The following SAR1B variants were observed in gnomAD, a reference collection of about 807,000 sequenced individuals.
The protein encoded by SAR1B is small COPII coat GTPase SAR1B.
In SAR1B, 23 loss-of-function variants were observed where a neutral mutation model predicts 26.8. That is an observed-to-expected ratio of 0.86 (90% CI 0.62 to 1.22). The LOEUF is 1.22. Among genes scored for constraint, SAR1B ranks in the 50% most tolerant of loss-of-function variants. SAR1B has a pLI of 0.00. For missense variants in SAR1B, 196 were observed against 232.8 expected (o/e 0.84, Z 1.03); for synonymous variants, 65 against 80.8 (o/e 0.80, Z 1.05).
intron 6 of SAR1B, 124 bp downstream of exon 6, chr5:134,608,248 G>T (rs1765160077): frequency 3.0e-6 from 3 of 996,308 alleles, no homozygotes; most frequent in Non-Finnish European, 4.5e-6. Flanking sequence ...AGACCCACAG[G>T]TATAAATGAC....
intron 4 of SAR1B, 50 bp downstream of exon 4, chr5:134,612,641 T>TCAAAA (rs1765234275): frequency 1.3e-6 from 1 of 743,780 alleles, no homozygotes; most frequent in African/African-American, 4.6e-5. Context: ...TGAGCCTGTC[T>TCAAAA]AAAAAAAAAA....
intron 2 of SAR1B, among the ~76,000 whole-genome samples, chr5:134,623,649 A>C (rs1765450216): frequency 6.6e-6 from 1 of 152,210 alleles, no homozygotes; most frequent in African/African-American, 2.4e-5. Flanking sequence ...GCATTAAAGC[A>C]TATAGGTAAA....
rs781218368 is a variant in SAR1B at position 134,630,889 on chromosome 5, CTTTTTTTTTTTTTTTTTTTT to C, written c.-19+1819_-19+1838del. Among the ~76,000 whole-genome samples, 59 of 69,156 alleles carry C rather than the reference CTTTTTTTTTTTTTTTTTTTT, an allele frequency of 8.5e-4. 1 individual carries two copies. The highest frequency in any genetic ancestry group is 3.2e-3 in the African/African-American group (54 of 17,118). 45.4% of individuals were successfully genotyped at this position (69,156 alleles called of 152,430 possible). ...TTTCCTTTTCTATTTCTTTTTTTTT[CTTTTTTTTTTTTTTTTTTTT>C]TTTTTTTTAGCAACAATGTCTTTTT... On this transcript the variant is annotated intron_variant, in intron 1 of 6. Coordinates refer to ENST00000402673, the MANE Select transcript of SAR1B (RefSeq NM_016103.4).
At chr5:134,630,565 T>A (rs1765583285) in intron 1 of SAR1B, among the ~76,000 whole-genome samples, 1 of 150,900 alleles carries the variant, frequency 6.6e-6, no homozygotes. Context: ...GACAGATCAC[T>A]TGAGTTCGGG....
intron 1 of SAR1B, among the ~76,000 whole-genome samples, chr5:134,626,937 T>G (rs1198302576): frequency 6.6e-6 from 1 of 152,228 alleles, no homozygotes; most frequent in African/African-American, 2.4e-5. Flanking sequence ...GTCGATTTTA[T>G]GGTATATCAA....
At chr5:134,609,795 T>C (rs1273610394) in intron 4 of SAR1B, 121 bp from the exon 5 acceptor site, 1 of 755,874 alleles carries the variant, frequency 1.3e-6, no homozygotes, top group Non-Finnish European at 2.3e-6. Context: ...CTTCACAATA[T>C]ATTCAAGTTA....
At chr5:134,617,912 T>A (rs1366121701) in intron 3 of SAR1B, among the ~76,000 whole-genome samples, 2 of 152,150 alleles carry the variant, frequency 1.3e-5, no homozygotes, top group Non-Finnish European at 2.9e-5. Context: ...TACGCTGTTT[T>A]TGCAGACAAT....
At chr5:134,618,900 A>T (rs1034062847) in intron 3 of SAR1B, among the ~76,000 whole-genome samples, 1 of 152,016 alleles carries the variant, frequency 6.6e-6, no homozygotes, top group African/African-American at 2.4e-5. Context: ...CCAGTGGCTG[A>T]GGCAGGAGAA....
chr5:134,631,408 T>C (rs1765603926), intron 1 of SAR1B, among the ~76,000 whole-genome samples: 1 of 152,224 alleles, frequency 6.6e-6, no homozygotes, highest in Non-Finnish European at 1.5e-5. Context: ...TGCTTTGCTA[T>C]ACTGGCACCA....
intron 2 of SAR1B, among the ~76,000 whole-genome samples, chr5:134,621,304 T>C (rs1765403469): frequency 6.6e-6 from 1 of 152,064 alleles, no homozygotes; most frequent in Non-Finnish European, 1.5e-5. Context: ...ACCCCGTCTC[T>C]ACTGAAAATA....
chr5:134,607,602 G>A (rs771665450), intron 6 of SAR1B, among the ~76,000 whole-genome samples: 3 of 152,048 alleles, frequency 2.0e-5, no homozygotes, highest in Middle Eastern at 3.4e-3. Flanking sequence ...GAGAAACCCC[G>A]TCTCTACCAA....
intron 1 of SAR1B, among the ~76,000 whole-genome samples, chr5:134,629,098 T>C (rs113916622): frequency 0.025 from 3,701 of 148,842 alleles, 64 homozygotes; most frequent in African/African-American, 0.057. Flanking sequence ...CTGGGCAACA[T>C]AGTGAGACCC....
chr5:134,630,060 C>G (rs536152360), intron 1 of SAR1B, among the ~76,000 whole-genome samples: 2 of 152,066 alleles, frequency 1.3e-5, no homozygotes, highest in African/African-American at 4.8e-5. Context: ...GTCAGGAGTT[C>G]GAGACCAGCC....
rs1765035994 is a variant in SAR1B, at chr5:134,601,682, C to G, written c.*5268G>C. Reference sequence around the variant, plus strand: ...AAATGAAAACAATCCCAAAGAAAACCTGTATGTCAAAAACAGAACTGTTCC... The same window carrying G: ...AAATGAAAACAATCCCAAAGAAAACGTGTATGTCAAAAACAGAACTGTTCC... On this transcript the variant is annotated 3_prime_UTR_variant, in exon 7 of 7. Transcript: ENST00000402673. 4 of 152,166 alleles carry G rather than the reference C, an allele frequency of 2.6e-5. No homozygotes were observed. In the South Asian group the frequency reaches 8.3e-4, roughly 31 times the overall value. 9.4% of individuals were successfully genotyped at this position (152,166 alleles called of 1,614,324 possible). A position where few individuals can be genotyped will look rare whatever the true frequency, so the allele number is the denominator to read the frequency against.
chr5:134,606,841 A>ATC lies in SAR1B; in HGVS notation c.*107_*108dup, dbSNP rs1239509280. The stretch of plus-strand genomic sequence containing the variant: ...ATTTAATATTAATAATCTAAAAAAC[A>ATC]TCTGTTTTATAACCAGCAAAAGTCT... On this transcript the variant is annotated 3_prime_UTR_variant, in exon 7 of 7. Coordinates refer to ENST00000402673, the MANE Select transcript of SAR1B (RefSeq NM_016103.4). 1 of 781,682 alleles carries ATC rather than the reference A, an allele frequency of 1.3e-6. No homozygotes were observed. The highest frequency in any genetic ancestry group is 1.7e-5 in the Admixed American group (1 of 57,170). 48.4% of individuals were successfully genotyped at this position (781,682 alleles called of 1,614,324 possible). A position where few individuals can be genotyped will look rare whatever the true frequency, so the allele number is the denominator to read the frequency against.
At chr5:134,629,641 G>A (rs1158297153) in intron 1 of SAR1B, among the ~76,000 whole-genome samples, 1 of 151,912 alleles carries the variant, frequency 6.6e-6, no homozygotes, top group Non-Finnish European at 1.5e-5. Context: ...AGGTTGCAGT[G>A]AGCCAAGATC....
At chr5:134,616,082 G>T (rs1449110376) in intron 3 of SAR1B, among the ~76,000 whole-genome samples, 2 of 139,752 alleles carry the variant, frequency 1.4e-5, no homozygotes, top group Non-Finnish European at 3.0e-5. Flanking sequence ...AGTGAGCCGA[G>T]ACTGGCCACT....
chr5:134,624,772 C>G (rs1561789072), intron 1 of SAR1B, among the ~76,000 whole-genome samples: 3 of 152,014 alleles, frequency 2.0e-5, no homozygotes. Flanking sequence ...GGATTACAGG[C>G]AGGCACTGCC....
intron 1 of SAR1B, among the ~76,000 whole-genome samples, chr5:134,627,048 C>G (rs1765504638): frequency 1.3e-5 from 2 of 151,942 alleles, no homozygotes; most frequent in African/African-American, 4.8e-5. Context: ...AGTAATTACA[C>G]AAAACCATTT....
Sources: allele counts gnomAD v4.1 joint callset (sites outside exome capture counted in the v4.1 genomes callset), GRCh38; gene constraint gnomAD v4.1.1; transcripts MANE v1.5; gene names NCBI Gene and HGNC (gene_info 2026-07-23, HGNC 2026-07-21).